Variants in E2F8 observed in about 807,000 individuals in gnomAD.
The protein encoded by E2F8 is E2F transcription factor 8, also known as transcription factor E2F8.
E2F8 carries 35 observed loss-of-function variants against 80.8 expected under a neutral mutation model. That is an observed-to-expected ratio of 0.43 (90% confidence interval 0.33 to 0.57). E2F8 has a LOEUF of 0.57. E2F8 is among the 20% of genes least tolerant of loss of function. E2F8 has a pLI of 0.04. For missense variants in E2F8, 975 were observed against 1,056.2 expected (o/e 0.92, Z 1.07); for synonymous variants, 386 against 395.0 (o/e 0.98, Z 0.27).
At position 19,238,662 on chromosome 11, in the gene E2F8, G is replaced by A. The variant is rs532605653; in HGVS notation, c.16-530C>T. Among the ~76,000 whole-genome samples the A allele has an allele frequency of 3.9e-5, 6 of 152,336 alleles. No individual in the cohort carries two copies. The East Asian group carries it at 1.2e-3, about 29-fold the overall frequency. Reference sequence around the variant, plus strand: ...TAAAATACCACTGAAGAGTCAGAGAGACAAGGAGACAAGAGTGAGGGATAG... The same window carrying A: ...TAAAATACCACTGAAGAGTCAGAGAAACAAGGAGACAAGAGTGAGGGATAG... On this transcript the variant is annotated intron_variant, in intron 2 of 12. Transcript: ENST00000250024.
rs1400032642 is a variant in E2F8, at chr11:19,240,544, C to G, written c.-110+4G>C. 2.0e-5 allele frequency: 3 copies of G among 153,494 alleles called. No individual in the cohort carries two copies. The highest frequency in any genetic ancestry group is 7.2e-5 in the African/African-American group (3 of 41,448). The allele number at this position is 153,494 out of a possible 1,614,324, so 9.5% of individuals were successfully genotyped here. On this transcript the variant is annotated splice_donor_region_variant and intron_variant, in intron 1 of 12. Transcript: ENST00000250024. ...CCCCAGCGAATACTTTAGGAAGCAC[C>G]CACCTGTTCGCAGATCAGGGCTCCG...
intron 6 of E2F8, 81 bp from the exon 7 acceptor site, chr11:19,232,452 TTCTAAGAGCTG>T: frequency 8.2e-7 from 1 of 1,215,230 alleles, no homozygotes; most frequent in Non-Finnish European, 1.2e-6. Context: ...TTCATGTATA[TTCTAAGAGCTG>T]TCTTAACCAT....
chr11:19,225,955 G>C, intron 10 of E2F8, 91 bp from the exon 11 acceptor site: 1 of 1,483,076 alleles, frequency 6.7e-7, no homozygotes, highest in Non-Finnish European at 9.1e-7. Context: ...TCCCTTGGTG[G>C]TTGCCTCATT....
In E2F8 at chr11:19,234,994, G is replaced by T; in HGVS notation, c.516C>A (p.Arg172=). 1 of 1,614,218 alleles carries T rather than the reference G, an allele frequency of 6.2e-7. No individual in the cohort carries two copies. Among genetic ancestry groups the T allele is most frequent in the Non-Finnish European group, 8.5e-7 (1 of 1,180,044 alleles). The stretch of plus-strand genomic sequence containing the variant: ...GCCAAGTGTACCTGTTTTTGGCGAG[G>T]CGGCTCACCATATGTAAACTCTCTA... ...NVLESLHMVS[R]LAKNRYTWHG... The change falls in exon 5 of 13, where the codon CGC becomes CGA. Residue 172 remains arginine, a synonymous_variant. Coordinates refer to ENST00000250024, the MANE Select transcript of E2F8 (RefSeq NM_024680.4).
In E2F8 at chr11:19,225,229, C is replaced by A; in HGVS notation, c.2413G>T (p.Ala805Ser). The change falls in exon 12 of 13, where the codon GCA (alanine) becomes TCA (serine). Residue 805 changes from alanine (A) to serine (S), a missense_variant. Physicochemically the swap from Ala to Ser is moderately conservative, Grantham distance 99. Coordinates refer to ENST00000250024, the MANE Select transcript of E2F8 (RefSeq NM_024680.4). ...AGTAGAAAGCCTCTCACCTGTTGTG[C>A]CCCTGTCACAGCAACTGATTGTCCA... is the stretch of plus-strand genomic sequence containing the variant. ...PNGQSVAVTGAQQPVPVTPKG... is the reference protein window; with the variant it reads ...PNGQSVAVTGSQQPVPVTPKG... 6.2e-7 allele frequency: 1 copy of A among 1,613,134 alleles called. No homozygotes were observed.
At chr11:19,237,078 C>A (rs1468428634) in intron 4 of E2F8, among the ~76,000 whole-genome samples, 2 of 152,216 alleles carry the variant, frequency 1.3e-5, no homozygotes, top group African/African-American at 2.4e-5. Context: ...GCTTCAGAGA[C>A]AACTGTAGTC....
At chr11:19,231,546 AT>A (rs779978890) in intron 7 of E2F8, among the ~76,000 whole-genome samples, 3 of 152,200 alleles carry the variant, frequency 2.0e-5, no homozygotes, top group Non-Finnish European at 4.4e-5. Flanking sequence ...GTCATTTTCA[AT>A]GATTCTGGGT....
Position 19,225,451 on chromosome 11 carries a change from A to G in E2F8, c.2191T>C (p.Ser731Pro). The change falls in exon 12 of 13, where the codon TCA becomes CCA. Residue 731 changes from serine (S) to proline (P), a missense_variant. Physicochemically the swap from Ser to Pro is moderately conservative, Grantham distance 74 (BLOSUM62 -1). Transcript: ENST00000250024. ...SHPVPIQNPS[S>P]AIVNFTLQHL... ...TGCAGGGTGAAGTTTACAATGGCTG[A>G]GCTTGGGTTCTGGATGGGAACAGGG... 6.2e-7 allele frequency: 1 copy of G among 1,614,194 alleles called. No individual in the cohort carries two copies. Among genetic ancestry groups the G allele is most frequent in the East Asian group, 2.2e-5 (1 of 44,882 alleles).
intron 8 of E2F8, 119 bp from the exon 9 acceptor site, chr11:19,230,447 G>A: frequency 2.5e-6 from 3 of 1,214,206 alleles, no homozygotes; most frequent in Non-Finnish European, 2.3e-6. Flanking sequence ...AAGTTGCATA[G>A]CGATTAAACA....
At chr11:19,238,321 C>T (rs10833075) in intron 2 of E2F8, among the ~76,000 whole-genome samples, 189 bp from the exon 3 acceptor site, 62,970 of 152,178 alleles carry the variant, frequency 0.41, 15,024 homozygotes, top group Admixed American at 0.53. Context: ...CTAATAATTA[C>T]ATTTCCCATT....
At chr11:19,236,711 A>G (rs975890589) in intron 4 of E2F8, among the ~76,000 whole-genome samples, 1 of 152,264 alleles carries the variant, frequency 6.6e-6, no homozygotes, top group South Asian at 2.1e-4. Flanking sequence ...TGCACAGCAC[A>G]TCACTTCACA....
chr11:19,225,105 G>T, intron 12 of E2F8, 116 bp downstream of exon 12: 1 of 1,437,908 alleles, frequency 7.0e-7, no homozygotes, highest in Non-Finnish European at 9.3e-7. Context: ...TCAATCTCCT[G>T]ACTTTCCCAT....
At position 19,225,740 on chromosome 11, in the gene E2F8, G is replaced by C. The variant is rs148337173; in HGVS notation, c.2018C>G (p.Pro673Arg). 5.1e-4 allele frequency: 824 copies of C among 1,614,150 alleles called. 5 individuals are homozygous for C. Among genetic ancestry groups the C allele is most frequent in the South Asian group, 2.8e-3 (259 of 91,084 alleles). The part of the protein sequence containing the change: ...LSPNHRIYSS[P>R]IAGVIPVTSS... The stretch of plus-strand genomic sequence containing the variant: ...GTTTTATGTGCACTCACCTGCAATT[G>C]GGGAGCTGTAAATCCTGTGGTTTGG... Residue 673 changes from proline (P) to arginine (R), a missense_variant, in exon 11 of 13, where the codon CCA (proline) becomes CGA (arginine). By Grantham distance (103) the Pro-to-Arg change is moderately radical. Transcript: ENST00000250024.
chr11:19,233,616 T>C (rs560351478), intron 6 of E2F8, among the ~76,000 whole-genome samples: 1 of 151,922 alleles, frequency 6.6e-6, no homozygotes, highest in South Asian at 2.1e-4. Flanking sequence ...GCCTCCTGAG[T>C]AACTGGGACT....
At position 19,237,903 on chromosome 11, in the gene E2F8, C is replaced by A. The variant is rs558506199; in HGVS notation, c.245G>T (p.Gly82Val). 12 of 1,613,960 alleles carry A rather than the reference C, an allele frequency of 7.4e-6. 1 individual carries two copies. In the South Asian group the frequency reaches 1.3e-4, roughly 18 times the overall value. The change falls in exon 3 of 13, where the codon GGT becomes GTT. Residue 82 changes from glycine (G) to valine (V), a missense_variant. Coordinates refer to ENST00000250024, the MANE Select transcript of E2F8 (RefSeq NM_024680.4). ...PEIRNRDQKR[G>V]LFDNRSGLPE... ...TAATCCACTTCTGTTGTCAAACAAACCCCTTTTCTGATCTCTGTTGCGGAT... is the reference window on the plus strand; with the variant it reads ...TAATCCACTTCTGTTGTCAAACAAAACCCTTTTCTGATCTCTGTTGCGGAT...
chr11:19,237,617 G>A (rs961502860), intron 3 of E2F8, 147 bp from the exon 4 acceptor site: 2 of 1,049,802 alleles, frequency 1.9e-6, no homozygotes, highest in East Asian at 2.6e-5. Context: ...GGTTAGGGGG[G>A]CCAGTACAAA....
In E2F8 at chr11:19,225,560, A is replaced by G. The variant is rs1465747323; in HGVS notation, c.2082T>C (p.His694=). ...AGACCATTAGCTTCAACGGTGTTACATGAAAAGAGGGAAAATTAACAGCAG... is the reference window on the plus strand; with the variant it reads ...AGACCATTAGCTTCAACGGTGTTACGTGAAAAGAGGGAAAATTAACAGCAG... ...ELTAVNFPSF[H]VTPLKLMVSP... Residue 694 remains histidine, a synonymous_variant, in exon 12 of 13, where the codon CAT becomes CAC. Transcript: ENST00000250024. The G allele has an allele frequency of 6.2e-7, 1 of 1,614,254 alleles. No homozygotes were observed. The highest frequency in any genetic ancestry group is 8.5e-7 in the Non-Finnish European group (1 of 1,180,046).
rs573198758 is a variant in E2F8, at chr11:19,236,684, A to G, written c.451+630T>C. Among the ~76,000 whole-genome samples, 5 of 152,366 alleles carry G rather than the reference A, an allele frequency of 3.3e-5. No individual in the cohort carries two copies. In the South Asian group the frequency reaches 6.2e-4, roughly 19 times the overall value. On this transcript the variant is annotated intron_variant, in intron 4 of 12. Coordinates refer to ENST00000250024, the MANE Select transcript of E2F8 (RefSeq NM_024680.4). ...TTTCTTCACGGGGTGATTGCTTTGTATTAAAATGTATTATCTTGCACAGCA... is the reference window on the plus strand; with the variant it reads ...TTTCTTCACGGGGTGATTGCTTTGTGTTAAAATGTATTATCTTGCACAGCA...
chr11:19,238,194 A>T, intron 2 of E2F8, 62 bp from the exon 3 acceptor site: 1 of 1,491,872 alleles, frequency 6.7e-7, no homozygotes, highest in Non-Finnish European at 9.0e-7. Flanking sequence ...GACAGCTTGG[A>T]TTCTAGAAAT....
Sources: gnomAD v4.1 joint callset for allele counts (sites outside exome capture counted in the v4.1 genomes callset) on GRCh38, gnomAD v4.1.1 for gene constraint, MANE v1.5 for transcripts, NCBI Gene and HGNC (gene_info 2026-07-23, HGNC 2026-07-21) for gene names.